Variants in RBKS observed in about 807,000 individuals in gnomAD.
RBKS encodes the protein ribokinase.
RBKS carries 33 observed loss-of-function variants against 33.9 expected under a neutral mutation model. That is an observed-to-expected ratio of 0.97 (90% CI 0.74 to 1.30). The LOEUF (loss-of-function observed/expected upper bound fraction) is 1.30. Among genes scored for constraint, RBKS ranks in the 50% most tolerant of loss-of-function variants. The pLI is 0.00. For synonymous variants in RBKS, 125 were observed against 143.0 expected (o/e 0.87, Z 0.90); for missense variants, 361 against 392.6 (o/e 0.92, Z 0.68).
chr2:27,826,553 T>A (rs1256787105), intron 7 of RBKS, among the ~76,000 whole-genome samples: 1 of 151,980 alleles, frequency 6.6e-6, no homozygotes, highest in Non-Finnish European at 1.5e-5. Flanking sequence ...AGACTACAGG[T>A]GTGCACCACC....
At chr2:27,799,002 G>A (rs1484086523) in intron 7 of RBKS, among the ~76,000 whole-genome samples, 1 of 152,128 alleles carries the variant, frequency 6.6e-6, no homozygotes, top group Non-Finnish European at 1.5e-5. Flanking sequence ...TCACCTCCCT[G>A]TCCTGAGACC....
chr2:27,809,495 G>C (rs537720831), intron 7 of RBKS, among the ~76,000 whole-genome samples: 1 of 152,214 alleles, frequency 6.6e-6, no homozygotes. Flanking sequence ...ATATTAATGA[G>C]AGCTTTGTAT....
chr2:27,827,857 C>G, intron 6 of RBKS, 102 bp from the exon 7 acceptor site: 1 of 990,626 alleles, frequency 1.0e-6, no homozygotes, highest in Non-Finnish European at 1.4e-6. Context: ...TTTTTTATAA[C>G]AACCAATGCA....
chr2:27,809,968 G>T (rs543534878), intron 7 of RBKS: 1 of 1,304,046 alleles, frequency 7.7e-7, no homozygotes, highest in African/African-American at 1.5e-5. Context: ...TGTTATAAAA[G>T]GATTCTCTGG....
At chr2:27,797,717 C>T (rs569720036) in intron 7 of RBKS, among the ~76,000 whole-genome samples, 15 of 152,188 alleles carry the variant, frequency 9.9e-5, no homozygotes, top group Non-Finnish European at 1.3e-4. Context: ...CTAGCGTTGT[C>T]CTGGGCAGGT....
intron 7 of RBKS, among the ~76,000 whole-genome samples, chr2:27,826,204 T>G (rs2148201804): frequency 6.6e-6 from 1 of 152,336 alleles, no homozygotes; most frequent in South Asian, 2.1e-4. Context: ...CAAAGTATAT[T>G]CACATCCAAA....
In RBKS at chr2:27,858,412, G is replaced by A. The variant is rs371715118; in HGVS notation, c.222+27C>T. 1.9e-5 allele frequency: 30 copies of A among 1,576,282 alleles called. No individual in the cohort carries two copies. The African/African-American group carries it at 3.7e-4, about 19-fold the overall frequency. ...TTAAAACCAGATTCTTACCTCTAGAGTCCTCTCCACTATACTTTGTACTTA... is the reference window on the plus strand; with the variant it reads ...TTAAAACCAGATTCTTACCTCTAGAATCCTCTCCACTATACTTTGTACTTA... On this transcript the variant is annotated intron_variant, in intron 2 of 7. Transcript: ENST00000302188.
intron 1 of RBKS, among the ~76,000 whole-genome samples, chr2:27,871,903 A>T (rs4665398): frequency 0.2 from 30,424 of 152,222 alleles, 4,075 homozygotes; most frequent in East Asian, 0.63. Context: ...CAATGCTAGC[A>T]TCAGTGCCTC....
Position 27,873,018 on chromosome 2 carries a change from T to A in RBKS, c.90-14447A>T, listed in dbSNP as rs185528935. On this transcript the variant is annotated intron_variant, in intron 1 of 7. Transcript: ENST00000302188. ...GAGGAGTGAGGGTATGGAACACACA[T>A]GAGGAGGGCAGTGGGGCCAGGGTAA... 1.0e-3 allele frequency among the ~76,000 whole-genome samples: 152 copies of A among 152,086 alleles called. 1 individual carries two copies. The highest frequency in any genetic ancestry group is 3.5e-3 in the African/African-American group (144 of 41,500).
At chr2:27,787,086 T>G (rs1008803404) in intron 7 of RBKS, among the ~76,000 whole-genome samples, 24 of 152,200 alleles carry the variant, frequency 1.6e-4, no homozygotes, top group African/African-American at 5.8e-4. Context: ...TCTCCCAGAC[T>G]CAAGCAATCC....
At chr2:27,861,098 G>C (rs1052475498) in intron 1 of RBKS, among the ~76,000 whole-genome samples, 1 of 152,108 alleles carries the variant, frequency 6.6e-6, no homozygotes, top group Non-Finnish European at 1.5e-5. Context: ...CTCCCAAGTA[G>C]CTGGGATTAC....
In RBKS at chr2:27,789,895, TATAGA is replaced by T. The variant is rs1179349533; in HGVS notation, c.796-8112_796-8108del. ...GTGTGTGTGTGTGTGTGTGTGTGTG[TATAGA>T]GTGTGTGTGTGTGTGTTTGTGTGTG... On this transcript the variant is annotated intron_variant, in intron 7 of 7. Coordinates refer to ENST00000302188, the MANE Select transcript of RBKS (RefSeq NM_022128.3). Among the ~76,000 whole-genome samples, 578 of 142,104 alleles carry T rather than the reference TATAGA, an allele frequency of 4.1e-3. 3 individuals carry two copies. The highest frequency in any genetic ancestry group is 5.4e-3 in the Non-Finnish European group (356 of 66,030). 93.2% of individuals were successfully genotyped at this position (142,104 alleles called of 152,430 possible).
At chr2:27,873,989 T>C (rs560880404) in intron 1 of RBKS, among the ~76,000 whole-genome samples, 40 of 152,260 alleles carry the variant, frequency 2.6e-4, no homozygotes, top group African/African-American at 8.9e-4. Context: ...GTCAAACTAG[T>C]GATATAAAAA....
In RBKS at chr2:27,889,919, C is replaced by T. The variant is rs190098309; in HGVS notation, c.89+338G>A. ...GAGGTAAAATGACGTGGGCAAAGTT[C>T]CCTGGCTCGTTTGGGGAAAGGCTCA... is the stretch of plus-strand genomic sequence containing the variant. On this transcript the variant is annotated intron_variant, in intron 1 of 7. Transcript: ENST00000302188. 838 of 259,038 alleles carry T rather than the reference C, an allele frequency of 3.2e-3. 5 individuals carry two copies. The highest frequency in any genetic ancestry group is 3.4e-3 in the Non-Finnish European group (464 of 136,108). 16.0% of individuals were successfully genotyped at this position (259,038 alleles called of 1,614,324 possible).
chr2:27,845,357 T>C (rs1178214647), intron 4 of RBKS, among the ~76,000 whole-genome samples: 1 of 152,238 alleles, frequency 6.6e-6, no homozygotes, highest in Non-Finnish European at 1.5e-5. Flanking sequence ...TCTCTGTGTA[T>C]TTGTCCTAAT....
chr2:27,858,132 A>G (rs1317614596), intron 2 of RBKS, among the ~76,000 whole-genome samples: 1 of 152,218 alleles, frequency 6.6e-6, no homozygotes, highest in African/African-American at 2.4e-5. Context: ...TATATATTCC[A>G]TTTATATGAA....
chr2:27,790,919 C>G (rs963797842), intron 7 of RBKS, among the ~76,000 whole-genome samples: 1 of 152,152 alleles, frequency 6.6e-6, no homozygotes, highest in Non-Finnish European at 1.5e-5. Flanking sequence ...CTATTCCTAG[C>G]TATTTATCCA....
chr2:27,794,960 C>T (rs1314816870), intron 7 of RBKS, among the ~76,000 whole-genome samples: 3 of 151,986 alleles, frequency 2.0e-5, no homozygotes, highest in Non-Finnish European at 2.9e-5. Flanking sequence ...ATTGATTGCC[C>T]AAAAACAAAA....
intron 1 of RBKS, among the ~76,000 whole-genome samples, chr2:27,863,682 C>T (rs1000393397): frequency 6.6e-6 from 1 of 152,218 alleles, no homozygotes; most frequent in Non-Finnish European, 1.5e-5. Context: ...ATCTTTTCTC[C>T]TTTTGGCTGC....
Sources: gnomAD v4.1 joint callset for allele counts (sites outside exome capture counted in the v4.1 genomes callset) on GRCh38, gnomAD v4.1.1 for gene constraint, MANE v1.5 for transcripts, NCBI Gene and HGNC (gene_info 2026-07-23, HGNC 2026-07-21) for gene names.